The following XPOT variants were observed in gnomAD, a reference collection of about 807,000 sequenced individuals.
XPOT encodes the protein exportin for tRNA, also known as exportin-T.
In XPOT, 34 loss-of-function variants were observed where a neutral mutation model predicts 128.2. The ratio of observed to expected loss-of-function variants is 0.27; its 90% CI spans 0.20 to 0.35. The LOEUF is 0.35. Among genes scored for constraint, XPOT ranks in the 10% least tolerant of loss-of-function variants. XPOT has a pLI of 1.00. For missense variants in XPOT, 838 were observed against 1,125.3 expected, an observed-to-expected ratio of 0.74 and a Z score of 3.65; for synonymous variants, 348 against 394.3, an observed-to-expected ratio of 0.88 and a Z score of 1.39.
intron 1 of XPOT, among the ~76,000 whole-genome samples, chr12:64,405,691 T>C (rs1439975571): frequency 3.3e-5 from 5 of 152,206 alleles, no homozygotes; most frequent in African/African-American, 1.2e-4. Flanking sequence ...CCATCTCGGC[T>C]CACTGCAACC....
chr12:64,439,725 G>T (rs1022256535), intron 23 of XPOT, among the ~76,000 whole-genome samples: 1 of 152,192 alleles, frequency 6.6e-6, no homozygotes, highest in Non-Finnish European at 1.5e-5. Context: ...TGTACACCAA[G>T]CTTATCAATG....
At chr12:64,425,691 T>C (rs1808131411) in intron 14 of XPOT, 124 bp from the exon 15 acceptor site, 2 of 1,040,684 alleles carry the variant, frequency 1.9e-6, no homozygotes, top group African/African-American at 1.6e-5. Context: ...ATTACTCGTA[T>C]ATTCCTAGTC....
At chr12:64,435,018 G>T in intron 21 of XPOT, 109 bp downstream of exon 21, 1 of 907,446 alleles carries the variant, frequency 1.1e-6, no homozygotes, top group East Asian at 2.6e-5. Context: ...TTTTAACTTA[G>T]TGATTTCAGA....
chr12:64,414,078 A>G (rs1433508328), intron 2 of XPOT, among the ~76,000 whole-genome samples: 1 of 152,230 alleles, frequency 6.6e-6, no homozygotes, highest in Non-Finnish European at 1.5e-5. Context: ...GATACTTGTC[A>G]CAAGATGTTC....
chr12:64,436,914 A>G (rs2040287270), intron 22 of XPOT, among the ~76,000 whole-genome samples: 1 of 152,202 alleles, frequency 6.6e-6, no homozygotes, highest in Non-Finnish European at 1.5e-5. Context: ...GCCAACATTT[A>G]AAAATCTCAA....
In XPOT at chr12:64,430,258, C is replaced by G. The variant is rs369223119; in HGVS notation, c.1947C>G (p.Asp649Glu). The change falls in exon 17 of 25, where the codon GAC (aspartate) becomes GAG (glutamate). Residue 649 changes from aspartate to glutamate, a missense_variant. Asp to Glu is a conservative substitution (Grantham distance 45). Transcript: ENST00000332707. ...QDEERQASLA[D>E]CLNHAVGFAS... ...AAGAAAGGCAAGCCTCTCTAGCAGA[C>G]TGTCTTAACCATGCTGTTGGATTTG... 8.8e-6 allele frequency: 14 copies of G among 1,593,466 alleles called. No individual in the cohort carries two copies. The highest frequency in any genetic ancestry group is 1.1e-5 in the Non-Finnish European group (13 of 1,173,176).
At chr12:64,422,914 A>AAC in intron 9 of XPOT, 91 bp from the exon 10 acceptor site, 1 of 1,378,452 alleles carries the variant, frequency 7.3e-7, no homozygotes, top group East Asian at 2.3e-5. Flanking sequence ...AAAAAAAAAA[A>AAC]AAAAACCAGG....
intron 3 of XPOT, 70 bp from the exon 4 acceptor site, chr12:64,416,625 TTAC>T: frequency 8.0e-7 from 1 of 1,255,468 alleles, no homozygotes; most frequent in South Asian, 1.2e-5. Flanking sequence ...GTATTACTCA[TTAC>T]TATTTTGCCT....
At position 64,418,077 on chromosome 12, in the gene XPOT, C is replaced by G. The variant is rs1277151935; in HGVS notation, c.232C>G (p.Leu78Val). 6.2e-7 allele frequency: 1 copy of G among 1,613,474 alleles called. No homozygotes were observed. Among genetic ancestry groups the G allele is most frequent in the Non-Finnish European group, 8.5e-7 (1 of 1,179,764 alleles). Residue 78 changes from leucine to valine, a missense_variant, in exon 5 of 25, where the codon CTA becomes GTA. Leu to Val is a conservative substitution (Grantham distance 32, BLOSUM62 1). This residue lies in a region of XPOT where 761 missense variants were observed against 988.3 expected (regional missense o/e 0.77). Transcript: ENST00000332707. ...AGAACTAACCACTGTTCAACAACAG[C>G]TAATTAGGGAGACGCTCATATCATG... ...YSELTTVQQQLIRETLISWLQ... is the reference protein window; with the variant it reads ...YSELTTVQQQVIRETLISWLQ...
In XPOT at chr12:64,442,065, C is replaced by T. The variant is rs980704807; in HGVS notation, c.2805+2750C>T. Reference sequence around the variant, plus strand: ...ATACTCTTTCCCCTGTGTCATTTTACATAATGTGTAAAGTGGGGGGGGGAC... The same window carrying T: ...ATACTCTTTCCCCTGTGTCATTTTATATAATGTGTAAAGTGGGGGGGGGAC... On this transcript the variant is annotated intron_variant, in intron 23 of 24. Coordinates refer to ENST00000332707, the MANE Select transcript of XPOT (RefSeq NM_007235.6). 3.4e-4 allele frequency among the ~76,000 whole-genome samples: 51 copies of T among 151,970 alleles called. 1 individual carries two copies. The highest frequency in any genetic ancestry group is 7.2e-4 in the Admixed American group (11 of 15,276).
chr12:64,432,233 CTCT>C (rs2040245554), intron 18 of XPOT, among the ~76,000 whole-genome samples: 1 of 151,892 alleles, frequency 6.6e-6, no homozygotes, highest in African/African-American at 2.4e-5. Flanking sequence ...TACATAGTAC[CTCT>C]TTTTTCCTTT....
At chr12:64,412,283 C>T (rs1476332745) in intron 2 of XPOT, among the ~76,000 whole-genome samples, 2 of 152,014 alleles carry the variant, frequency 1.3e-5, no homozygotes, top group African/African-American at 4.8e-5. Flanking sequence ...CCTCAGCCTC[C>T]CAAAGTGCTG....
At chr12:64,438,336 C>G (rs1023085149) in intron 22 of XPOT, among the ~76,000 whole-genome samples, 1 of 152,150 alleles carries the variant, frequency 6.6e-6, no homozygotes, top group Non-Finnish European at 1.5e-5. Context: ...CAAAACTACA[C>G]TCTTTTAAAG....
Position 64,434,522 on chromosome 12 carries a change from A to T in XPOT, c.2468A>T (p.Glu823Val). ...VIANQGAENVERVLVTVIQGA... is the reference protein window; with the variant it reads ...VIANQGAENVVRVLVTVIQGA... ...TTCTCCTCAGGTGCAGAGAATGTAG[A>T]AAGAGTGTTGGTTACTGTTATCCAA... The change falls in exon 20 of 25, where the codon GAA becomes GTA. Residue 823 changes from glutamate to valine, a missense_variant. This residue lies in a region of XPOT where 761 missense variants were observed against 988.3 expected (regional missense o/e 0.77). Coordinates refer to ENST00000332707, the MANE Select transcript of XPOT (RefSeq NM_007235.6). The T allele has an allele frequency of 6.2e-7, 1 of 1,613,420 alleles. No individual in the cohort carries two copies. The highest frequency in any genetic ancestry group is 2.2e-5 in the East Asian group (1 of 44,848).
rs545344160 is a variant in XPOT at position 64,430,183 on chromosome 12, A to G, written c.1872A>G (p.Leu624=). The G allele has an allele frequency of 1.3e-5, 21 of 1,613,474 alleles. No homozygotes were observed. Among genetic ancestry groups the G allele is most frequent in the South Asian group, 7.7e-5 (7 of 90,902 alleles). Residue 624 remains leucine (L), a synonymous_variant, in exon 17 of 25, where the codon CTA becomes CTG. Coordinates refer to ENST00000332707, the MANE Select transcript of XPOT (RefSeq NM_007235.6). ...TAATGAGGAATCTGTTGACTCCACT[A>G]ATGGAGAAGTTTAAAATTCTGTTAG... The part of the protein sequence containing the change: ...QALMRNLLTP[L]MEKFKILLEK...
At chr12:64,422,295 A>T (rs1310161928) in intron 9 of XPOT, among the ~76,000 whole-genome samples, 1 of 152,200 alleles carries the variant, frequency 6.6e-6, no homozygotes, top group Non-Finnish European at 1.5e-5. Context: ...TATGTTCCCA[A>T]ATGACTTTAG....
At chr12:64,408,193 T>G (rs1032348684) in intron 1 of XPOT, among the ~76,000 whole-genome samples, 3 of 151,970 alleles carry the variant, frequency 2.0e-5, no homozygotes, top group Non-Finnish European at 2.9e-5. Flanking sequence ...CACTGCAACC[T>G]CCACCTCCTG....
chr12:64,410,003 T>C lies in XPOT; in HGVS notation c.-33T>C, dbSNP rs1397595991. On this transcript the variant is annotated 5_prime_UTR_variant, in exon 2 of 25. Transcript: ENST00000332707. ...CTGTGGGATCAGAGGGCACGCCTATTACAACCAGAAAACTACAAGTATAAC... is the reference window on the plus strand; with the variant it reads ...CTGTGGGATCAGAGGGCACGCCTATCACAACCAGAAAACTACAAGTATAAC... 1 of 1,604,256 alleles carries C rather than the reference T, an allele frequency of 6.2e-7. No homozygotes were observed. Among genetic ancestry groups the C allele is most frequent in the Non-Finnish European group, 8.5e-7 (1 of 1,171,898 alleles).
chr12:64,428,214 T>A, intron 16 of XPOT, 94 bp downstream of exon 16: 86 of 778,528 alleles, frequency 1.1e-4, no homozygotes, highest in East Asian at 1.4e-4. Context: ...AAAAAAAAAA[T>A]TGGTGGTGGA....
Sources: allele counts gnomAD v4.1 joint callset (sites outside exome capture counted in the v4.1 genomes callset), GRCh38; gene constraint gnomAD v4.1.1; regional missense constraint gnomAD v4.1.1; transcripts MANE v1.5; gene names NCBI Gene and HGNC (gene_info 2026-07-23, HGNC 2026-07-21).